The following MTUS1 variants were observed in gnomAD, a reference collection of about 807,000 sequenced individuals.
MTUS1 encodes the protein microtubule-associated tumor suppressor 1.
In MTUS1, 109 loss-of-function variants were observed where a neutral mutation model predicts 120.8. That is an observed-to-expected ratio of 0.90 (90% CI 0.77 to 1.06). MTUS1 has a LOEUF of 1.06. MTUS1 is among the 50% of genes least tolerant of loss of function. The pLI is 0.00. For missense variants in MTUS1, 2,210 were observed against 1,486.3 expected (o/e 1.49, Z -8.01); for synonymous variants, 737 against 550.5 (o/e 1.34, Z -4.74).
intron 8 of MTUS1, among the ~76,000 whole-genome samples, chr8:17,669,109 T>A (rs1811487924): frequency 6.6e-6 from 1 of 152,134 alleles, no homozygotes; most frequent in African/African-American, 2.4e-5. Flanking sequence ...AGTTCCTAAT[T>A]CTAGATGGCA....
chr8:17,666,888 G>T (rs957790165), intron 8 of MTUS1, among the ~76,000 whole-genome samples: 1 of 152,168 alleles, frequency 6.6e-6, no homozygotes, highest in Non-Finnish European at 1.5e-5. Context: ...AAAACAAAGT[G>T]CAGATTCCTG....
chr8:17,743,562 CATTCAATTAACTCATAAACT>C (rs750993045), intron 3 of MTUS1, 22 bp downstream of exon 3: 3 of 1,564,954 alleles, frequency 1.9e-6, no homozygotes, highest in Non-Finnish European at 1.7e-6. Flanking sequence ...TCCAATTTTA[CATTCAATTAACTCATAAACT>C]ATTGAACTAT....
At chr8:17,750,499 AT>A (rs1296737483) in intron 2 of MTUS1, among the ~76,000 whole-genome samples, 1 of 152,208 alleles carries the variant, frequency 6.6e-6, no homozygotes, top group African/African-American at 2.4e-5. Flanking sequence ...CATTCCAAAA[AT>A]TTTGAAACCG....
chr8:17,767,429 G>A (rs918534914), intron 1 of MTUS1, among the ~76,000 whole-genome samples: 12 of 151,808 alleles, frequency 7.9e-5, no homozygotes, highest in African/African-American at 2.9e-4. Context: ...GGGTACAGTG[G>A]CTCATAGCTG....
chr8:17,746,591 C>T (rs1483474494), intron 2 of MTUS1, among the ~76,000 whole-genome samples: 1 of 152,108 alleles, frequency 6.6e-6, no homozygotes, highest in Non-Finnish European at 1.5e-5. Context: ...ACCACAAGAA[C>T]AGTATGGGGG....
At chr8:17,654,299 C>G in intron 10 of MTUS1, 1 of 482,766 alleles carries the variant, frequency 2.1e-6, no homozygotes, top group Non-Finnish European at 3.7e-6. Context: ...AGCTGGCAAC[C>G]ACCACCGCCA....
chr8:17,680,515 T>C (rs1177736601), intron 7 of MTUS1, among the ~76,000 whole-genome samples: 2 of 146,738 alleles, frequency 1.4e-5, no homozygotes, highest in East Asian at 4.0e-4. Context: ...TGGAGCTGTA[T>C]TCAGTGCAGT....
At chr8:17,738,504 G>C (rs1171295041) in intron 3 of MTUS1, among the ~76,000 whole-genome samples, 1 of 152,162 alleles carries the variant, frequency 6.6e-6, no homozygotes, top group African/African-American at 2.4e-5. Context: ...TGTCTGAATT[G>C]ATCATGAAGG....
At chr8:17,683,950 G>A (rs6586628) in intron 7 of MTUS1, among the ~76,000 whole-genome samples, 1 of 151,982 alleles carries the variant, frequency 6.6e-6, no homozygotes, top group Non-Finnish European at 1.5e-5. Context: ...TATAACTAAC[G>A]TCATTTTTCA....
chr8:17,768,530 G>A (rs2049745854), intron 1 of MTUS1, among the ~76,000 whole-genome samples: 1 of 7,954 alleles, frequency 1.3e-4, no homozygotes, highest in East Asian at 0.025. Context: ...TTTATGCCAT[G>A]GTAAAAAAAA....
chr8:17,757,499 C>T (rs535545754), intron 1 of MTUS1, among the ~76,000 whole-genome samples: 2 of 152,168 alleles, frequency 1.3e-5, no homozygotes, highest in African/African-American at 4.8e-5. Context: ...CCCACGAAAG[C>T]ATTTAAATCT....
At chr8:17,721,732 G>C (rs1051641637) in intron 4 of MTUS1, 15 of 1,580,810 alleles carry the variant, frequency 9.5e-6, no homozygotes, top group Non-Finnish European at 1.3e-5. Flanking sequence ...AGTAAACGTG[G>C]CTAACAAAGG....
Position 17,756,671 on chromosome 8 carries a change from A to ACCGCCC in MTUS1, c.-154-711_-154-710insGGGCGG, listed in dbSNP as rs1554526123. On this transcript the variant is annotated intron_variant, in intron 1 of 14. Transcript: ENST00000693296. ...TCTCCAATTCATATGTCAAGCCCAA[A>ACCGCCC]CCCCCACCCCTTATGTAACTATGTT... Among the ~76,000 whole-genome samples, 296 of 117,536 alleles carry ACCGCCC rather than the reference A, an allele frequency of 2.5e-3. 9 individuals are homozygous for ACCGCCC. The highest frequency in any genetic ancestry group is 0.014 in the Admixed American group (147 of 10,514). 77.1% of individuals were successfully genotyped at this position (117,536 alleles called of 152,430 possible).
At chr8:17,788,609 T>C (rs1397688508) in intron 1 of MTUS1, among the ~76,000 whole-genome samples, 2 of 152,210 alleles carry the variant, frequency 1.3e-5, no homozygotes, top group Admixed American at 6.5e-5. Flanking sequence ...ATGTGCCAGC[T>C]GCCTGCAGTC....
chr8:17,713,624 G>A (rs996508496), intron 5 of MTUS1, among the ~76,000 whole-genome samples: 5 of 152,118 alleles, frequency 3.3e-5, no homozygotes, highest in African/African-American at 9.7e-5. Flanking sequence ...CAGACTTCAC[G>A]AAGGACAGTC....
intron 5 of MTUS1, among the ~76,000 whole-genome samples, chr8:17,714,130 T>C (rs990896098): frequency 2.0e-5 from 3 of 152,204 alleles, no homozygotes; most frequent in East Asian, 3.8e-4. Context: ...TCCAACCTGA[T>C]GTCAACTCAG....
intron 1 of MTUS1, among the ~76,000 whole-genome samples, chr8:17,799,708 C>G (rs773518616): frequency 5.9e-5 from 9 of 152,050 alleles, no homozygotes; most frequent in Non-Finnish European, 1.2e-4. Flanking sequence ...ATTAAAAGGT[C>G]TTGTTCCAAG....
intron 6 of MTUS1, among the ~76,000 whole-genome samples, chr8:17,692,660 G>T (rs1817186968): frequency 6.6e-6 from 1 of 152,136 alleles, no homozygotes; most frequent in Admixed American, 6.6e-5. Context: ...CAACAGATGG[G>T]GGTCTAATTG....
intron 6 of MTUS1, among the ~76,000 whole-genome samples, chr8:17,690,139 A>G (rs1554486925): frequency 6.6e-6 from 1 of 152,206 alleles, no homozygotes; most frequent in Non-Finnish European, 1.5e-5. Flanking sequence ...CAAAGATCTA[A>G]TATTCAGAAT....
Sources: allele counts gnomAD v4.1 joint callset (sites outside exome capture counted in the v4.1 genomes callset), GRCh38; gene constraint gnomAD v4.1.1; transcripts MANE v1.5; gene names NCBI Gene and HGNC (gene_info 2026-07-23, HGNC 2026-07-21).